Variants in FNDC7 observed in about 807,000 individuals in gnomAD.
FNDC7 encodes the protein fibronectin type III domain containing 7, also known as fibronectin type III domain-containing protein 7.
A neutral mutation model predicts 74.2 loss-of-function variants in FNDC7; 66 were observed. That is an observed-to-expected ratio of 0.89 (90% CI 0.73 to 1.09). The LOEUF (loss-of-function observed/expected upper bound fraction) is 1.09. Among genes scored for constraint, FNDC7 ranks in the 50% least tolerant of loss-of-function variants. FNDC7 has a pLI of 0.00. For missense variants in FNDC7, 829 were observed against 893.4 expected (o/e 0.93, Z 0.92); for synonymous variants, 307 against 330.2 (o/e 0.93, Z 0.76).
At chr1:108,724,709 G>A (rs912595266) in intron 5 of FNDC7, among the ~76,000 whole-genome samples, 7 of 150,470 alleles carry the variant, frequency 4.7e-5, no homozygotes, top group Admixed American at 6.6e-5. Context: ...AGCTGAGATC[G>A]CACCACTGCA....
intron 1 of FNDC7, 151 bp from the exon 2 acceptor site, chr1:108,713,343 GGTGCTGGGAAATGATTT>G (rs1660910362): frequency 1.5e-6 from 1 of 648,074 alleles, no homozygotes; most frequent in East Asian, 2.8e-5. Context: ...GGTAGATTTG[GGTGCTGGGAAATGATTT>G]GTGTGGAGAA....
chr1:108,715,859 A>G (rs755040767), intron 2 of FNDC7, among the ~76,000 whole-genome samples: 20 of 152,242 alleles, frequency 1.3e-4, no homozygotes, highest in Non-Finnish European at 1.2e-4. Context: ...ATGCCTTCAC[A>G]CACAAAAGTA....
Position 108,733,615 on chromosome 1 carries a change from T to C in FNDC7, c.2140+83T>C, listed in dbSNP as rs924955463. The C allele has an allele frequency of 6.5e-6, 9 of 1,389,934 alleles. No individual in the cohort carries two copies. The East Asian group carries it at 9.2e-5, about 14-fold the overall frequency. 86.1% of individuals were successfully genotyped at this position (1,389,934 alleles called of 1,614,324 possible). On this transcript the variant is annotated intron_variant, in intron 10 of 12. Coordinates refer to ENST00000370017, the MANE Select transcript of FNDC7 (RefSeq NM_001144937.3). ...AAGATGCAATCAAACTTATTTACTA[T>C]GTATGAAGGGCACAGAGGGTATAAA... is the stretch of plus-strand genomic sequence containing the variant.
At chr1:108,729,120 C>T (rs1661285820) in intron 8 of FNDC7, among the ~76,000 whole-genome samples, 2 of 152,242 alleles carry the variant, frequency 1.3e-5, no homozygotes, top group African/African-American at 4.8e-5. Flanking sequence ...GGAATACTTA[C>T]TCATTCTGCA....
chr1:108,732,682 A>G (rs1427048201), intron 9 of FNDC7, among the ~76,000 whole-genome samples: 3 of 151,996 alleles, frequency 2.0e-5, no homozygotes, highest in Non-Finnish European at 4.4e-5. Flanking sequence ...ACCTTCACAC[A>G]TGGATTTCTC....
chr1:108,741,811 G>A lies in FNDC7; in HGVS notation c.*7G>A, dbSNP rs760010368. The A allele has an allele frequency of 1.2e-6, 2 of 1,613,700 alleles. No homozygotes were observed. The highest frequency in any genetic ancestry group is 1.7e-6 in the Non-Finnish European group (2 of 1,179,906). On this transcript the variant is annotated 3_prime_UTR_variant, in exon 12 of 13. Transcript: ENST00000370017. ...GAAGAGAAATGAAGAATGACAAAGT[G>A]AGCCCCAGATAAAAACAAAAACTTG...
At chr1:108,721,137 C>T (rs1661083434) in intron 4 of FNDC7, among the ~76,000 whole-genome samples, 1 of 152,222 alleles carries the variant, frequency 6.6e-6, no homozygotes, top group African/African-American at 2.4e-5. Context: ...TGGCAGATGC[C>T]TGCCTTACAG....
At chr1:108,716,772 A>T (rs1201975619) in intron 2 of FNDC7, among the ~76,000 whole-genome samples, 1 of 151,954 alleles carries the variant, frequency 6.6e-6, no homozygotes, top group Non-Finnish European at 1.5e-5. Flanking sequence ...TTTGCCCTAT[A>T]GTTCTGCTTG....
rs1433757174 is a variant in FNDC7 at position 108,722,536 on chromosome 1, T to C, written c.800T>C (p.Leu267Ser). Residue 267 changes from leucine to serine, a missense_variant, in exon 5 of 13, where the codon TTA becomes TCA. Transcript: ENST00000370017. ...GGAACTGAATACTTGATTTCAGTTT[T>C]AGCAAGTAATGATGCTGGATCTAGC... is the stretch of plus-strand genomic sequence containing the variant. ...QCGTEYLISV[L>S]ASNDAGSSKS... is the part of the protein sequence containing the mutation. 2.5e-6 allele frequency: 4 copies of C among 1,614,244 alleles called. No homozygotes were observed. The highest frequency in any genetic ancestry group is 3.4e-6 in the Non-Finnish European group (4 of 1,180,034).
intron 11 of FNDC7, among the ~76,000 whole-genome samples, chr1:108,738,960 G>T (rs1036455633): frequency 1.3e-5 from 2 of 152,084 alleles, no homozygotes; most frequent in Non-Finnish European, 2.9e-5. Context: ...TTCAGTGAAA[G>T]GTACATGGAC....
At chr1:108,733,065 T>G (rs1473593696) in intron 9 of FNDC7, among the ~76,000 whole-genome samples, 21 of 151,862 alleles carry the variant, frequency 1.4e-4, no homozygotes, top group Admixed American at 1.4e-3. Flanking sequence ...TAAGCCATCA[T>G]GCCCAGCCAC....
intron 2 of FNDC7, 95 bp from the exon 3 acceptor site, chr1:108,717,682 A>T: frequency 7.7e-7 from 1 of 1,294,426 alleles, no homozygotes; most frequent in Non-Finnish European, 1.1e-6. Flanking sequence ...GTCTGAAGGA[A>T]GGCATGAGAA....
chr1:108,733,942 A>T (rs937623709), intron 10 of FNDC7, among the ~76,000 whole-genome samples: 1 of 152,080 alleles, frequency 6.6e-6, no homozygotes, highest in Non-Finnish European at 1.5e-5. Flanking sequence ...GAACCACTGC[A>T]CCCAGTCAAG....
intron 8 of FNDC7, among the ~76,000 whole-genome samples, chr1:108,730,310 G>A (rs1661313649): frequency 6.6e-6 from 1 of 151,332 alleles, no homozygotes; most frequent in South Asian, 2.1e-4. Context: ...CTGGGAGGTG[G>A]AGGTTGACTG....
In FNDC7 at chr1:108,729,345, C is replaced by G. The variant is rs185945249; in HGVS notation, c.1624+459C>G. On this transcript the variant is annotated intron_variant, in intron 8 of 12. Transcript: ENST00000370017. ...CGGGCAGATCACGAGGTCAGGAGGT[C>G]GAGACCATCCTGGCTAACACGGTGA... is the stretch of plus-strand genomic sequence containing the variant. Among the ~76,000 whole-genome samples, 14 of 152,114 alleles carry G rather than the reference C, an allele frequency of 9.2e-5. No individual in the cohort carries two copies. The East Asian group carries it at 1.7e-3, about 19-fold the overall frequency.
At chr1:108,731,557 A>T (rs1166060638) in intron 9 of FNDC7, among the ~76,000 whole-genome samples, 2 of 152,240 alleles carry the variant, frequency 1.3e-5, no homozygotes, top group African/African-American at 4.8e-5. Context: ...AAGGAGAAAA[A>T]GTACAATGAT....
Position 108,713,002 on chromosome 1 carries a change from T to A in FNDC7, c.63+6T>A. The A allele has an allele frequency of 6.5e-7, 1 of 1,549,640 alleles. No homozygotes were observed. The highest frequency in any genetic ancestry group is 1.2e-5 in the South Asian group (1 of 83,960). On this transcript the variant is annotated splice_donor_region_variant and intron_variant, in intron 1 of 12. Transcript: ENST00000370017. ...TTCTTATCTGTCTTAAAATGGTGAG[T>A]TCATCATTCCAACTACCCACAACTA...
In FNDC7 at chr1:108,742,667, C is replaced by T. The variant is rs1180282364; in HGVS notation, c.*780C>T. The T allele has an allele frequency of 6.6e-6, 1 of 152,144 alleles. No homozygotes were observed. The highest frequency in any genetic ancestry group is 2.1e-4 in the South Asian group (1 of 4,828). 9.4% of individuals were successfully genotyped at this position (152,144 alleles called of 1,614,324 possible). A position where few individuals can be genotyped will look rare whatever the true frequency, so the allele number is the denominator to read the frequency against. On this transcript the variant is annotated 3_prime_UTR_variant, in exon 13 of 13. Coordinates refer to ENST00000370017, the MANE Select transcript of FNDC7 (RefSeq NM_001144937.3). ...GACCATCCATCTTATTGGCCATATC[C>T]CCCACTCATATTGTAATTACTTTTT...
At chr1:108,737,752 A>G (rs959675230) in intron 11 of FNDC7, among the ~76,000 whole-genome samples, 1 of 152,244 alleles carries the variant, frequency 6.6e-6, no homozygotes, top group East Asian at 1.9e-4. Context: ...TTAGTATTCT[A>G]GGATCCTACA....
Sources: gnomAD v4.1 joint callset for allele counts (sites outside exome capture counted in the v4.1 genomes callset) on GRCh38, gnomAD v4.1.1 for gene constraint, MANE v1.5 for transcripts, NCBI Gene and HGNC (gene_info 2026-07-23, HGNC 2026-07-21) for gene names.